The following ULK4 variants were observed in gnomAD, a reference collection of about 807,000 sequenced individuals.
The protein encoded by ULK4 is unc-51 like kinase 4.
ULK4 carries 133 observed loss-of-function variants against 160.6 expected under a neutral mutation model. The observed-to-expected ratio is 0.83, with a 90% CI of 0.72 to 0.96. The LOEUF (loss-of-function observed/expected upper bound fraction) is 0.96, where lower values mean the gene tolerates loss of function less well. ULK4 is among the 40% of genes least tolerant of loss of function. The pLI, the probability that ULK4 is intolerant of heterozygous loss-of-function variation, is 0.00. For synonymous variants in ULK4, 534 were observed against 539.8 expected, an observed-to-expected ratio of 0.99 and a Z score of 0.15; for missense variants, 1,580 against 1,499.5, an observed-to-expected ratio of 1.05 and a Z score of -0.89.
At chr3:41,685,700 T>C (rs554004558) in intron 27 of ULK4, among the ~76,000 whole-genome samples, 3 of 152,172 alleles carry the variant, frequency 2.0e-5, no homozygotes, top group Non-Finnish European at 4.4e-5. Flanking sequence ...CCAGACTGCA[T>C]ACCCTATCCT....
intron 35 of ULK4, among the ~76,000 whole-genome samples, chr3:41,376,046 T>C (rs531634031): frequency 6.6e-6 from 1 of 150,586 alleles, no homozygotes; most frequent in East Asian, 2.1e-4. Context: ...TCATCATCGC[T>C]GGTCATTAGA....
chr3:41,929,388 C>T (rs1173339326), intron 5 of ULK4, among the ~76,000 whole-genome samples: 4 of 152,068 alleles, frequency 2.6e-5, no homozygotes, highest in South Asian at 2.1e-4. Flanking sequence ...CAATATCATA[C>T]GGAATGGACA....
intron 31 of ULK4, among the ~76,000 whole-genome samples, chr3:41,580,474 A>G (rs967022339): frequency 6.6e-6 from 1 of 152,076 alleles, no homozygotes; most frequent in Admixed American, 6.5e-5. Flanking sequence ...GTGGTTCAAC[A>G]CAATGTAGGC....
At chr3:41,323,617 G>A (rs188663378) in intron 35 of ULK4, among the ~76,000 whole-genome samples, 92 of 152,054 alleles carry the variant, frequency 6.1e-4, no homozygotes, top group Middle Eastern at 3.4e-3. Flanking sequence ...AGCTGGCCAG[G>A]AGCTGATCCA....
At chr3:41,497,666 G>T (rs1247230515) in intron 32 of ULK4, among the ~76,000 whole-genome samples, 2 of 151,846 alleles carry the variant, frequency 1.3e-5, no homozygotes, top group African/African-American at 4.8e-5. Context: ...ATGATATAAG[G>T]GTCATCAAGA....
intron 14 of ULK4, 74 bp downstream of exon 14, chr3:41,898,358 A>G: frequency 2.2e-6 from 2 of 928,450 alleles, no homozygotes; most frequent in Non-Finnish European, 1.6e-6. Flanking sequence ...CATATATTCT[A>G]TTTGCAAATA....
chr3:41,566,936 G>C (rs961576750), intron 31 of ULK4, among the ~76,000 whole-genome samples: 3 of 152,184 alleles, frequency 2.0e-5, no homozygotes, highest in Admixed American at 6.5e-5. Context: ...GGTGCAAAAT[G>C]TAAGGTAGTA....
intron 35 of ULK4, among the ~76,000 whole-genome samples, chr3:41,303,151 T>C (rs887992537): frequency 6.6e-6 from 1 of 152,198 alleles, no homozygotes; most frequent in African/African-American, 2.4e-5. Flanking sequence ...ATAATAATTA[T>C]TTGCCTTTTA....
At chr3:41,945,524 C>G (rs1700087122) in intron 2 of ULK4, among the ~76,000 whole-genome samples, 2 of 152,142 alleles carry the variant, frequency 1.3e-5, no homozygotes, top group Admixed American at 1.3e-4. Flanking sequence ...CTGGGTCCTC[C>G]TTCTCCTTAC....
chr3:41,650,797 CA>C (rs369983666), intron 30 of ULK4, among the ~76,000 whole-genome samples: 1 of 152,206 alleles, frequency 6.6e-6, no homozygotes, highest in African/African-American at 2.4e-5. Flanking sequence ...GATCCTGTGA[CA>C]GCTATGTTCC....
Position 41,463,226 on chromosome 3 carries a change from A to G in ULK4, c.3254T>C (p.Leu1085Pro), listed in dbSNP as rs1289546139. 2 of 1,613,652 alleles carry G rather than the reference A, an allele frequency of 1.2e-6. No individual in the cohort carries two copies. ...QGLVSHICNL[L>P]TETATLCLDV... is the part of the protein sequence containing the mutation. Reference sequence around the variant, plus strand: ...CAAGCACAGTGTGGCAGTTTCAGTGAGCAGGTTACAGATGTGACTGACAAG... The same window carrying G: ...CAAGCACAGTGTGGCAGTTTCAGTGGGCAGGTTACAGATGTGACTGACAAG... Residue 1085 changes from leucine (L) to proline (P), a missense_variant, in exon 33 of 37, where the codon CTC becomes CCC. Leu to Pro is a moderately conservative substitution (Grantham distance 98). Coordinates refer to ENST00000301831, the MANE Select transcript of ULK4 (RefSeq NM_017886.4).
At chr3:41,251,400 C>T (rs2078740413) in intron 35 of ULK4, among the ~76,000 whole-genome samples, 1 of 152,194 alleles carries the variant, frequency 6.6e-6, no homozygotes, top group Non-Finnish European at 1.5e-5. Context: ...CTTTCTCTCC[C>T]TCTGGATGCA....
At chr3:41,752,749 A>T (rs1559527705) in intron 22 of ULK4, among the ~76,000 whole-genome samples, 1 of 152,216 alleles carries the variant, frequency 6.6e-6, no homozygotes, top group Non-Finnish European at 1.5e-5. Context: ...ATCAGCACTA[A>T]GAGAAAAACA....
intron 34 of ULK4, among the ~76,000 whole-genome samples, chr3:41,402,721 T>C (rs1421850925): frequency 6.6e-6 from 1 of 152,184 alleles, no homozygotes; most frequent in Non-Finnish European, 1.5e-5. Context: ...CTCTGCTCAT[T>C]CTCTTTATAC....
rs144687122 is a variant in ULK4, at chr3:41,580,227, G to C, written c.3121-14097C>G. On this transcript the variant is annotated intron_variant, in intron 31 of 36. Coordinates refer to ENST00000301831, the MANE Select transcript of ULK4 (RefSeq NM_017886.4). ...GTATTTATAGGGGTTGAGCACAGAG[G>C]GGGTGCTGGTCTTTAGGAGACGTCC... is the stretch of plus-strand genomic sequence containing the variant. Among the ~76,000 whole-genome samples the C allele has an allele frequency of 5.3e-5, 8 of 152,090 alleles. No homozygotes were observed. The South Asian group carries it at 8.3e-4, about 16-fold the overall frequency.
chr3:41,556,487 C>CTTTTTTTTTTTTTT, intron 32 of ULK4, among the ~76,000 whole-genome samples: 1 of 117,082 alleles, frequency 8.5e-6, no homozygotes, highest in Non-Finnish European at 1.6e-5. Context: ...CTCTACCAAA[C>CTTTTTTTTTTTTTT]TTTTTTTTTT....
intron 21 of ULK4, among the ~76,000 whole-genome samples, chr3:41,777,301 AT>A (rs2039661712): frequency 1.3e-5 from 1 of 76,548 alleles, no homozygotes. Flanking sequence ...TGTCTATTTG[AT>A]TCTTCTCTCT....
chr3:41,571,563 A>C (rs1179847885), intron 31 of ULK4, among the ~76,000 whole-genome samples: 1 of 152,202 alleles, frequency 6.6e-6, no homozygotes, highest in Non-Finnish European at 1.5e-5. Context: ...ACATGAGAGT[A>C]AACATGTGGG....
At chr3:41,910,283 T>C (rs1480442011) in intron 11 of ULK4, among the ~76,000 whole-genome samples, 1 of 152,174 alleles carries the variant, frequency 6.6e-6, no homozygotes, top group Non-Finnish European at 1.5e-5. Context: ...CAAACATTAT[T>C]CAAGCCTCAC....
Sources: allele counts gnomAD v4.1 joint callset (sites outside exome capture counted in the v4.1 genomes callset), GRCh38; gene constraint gnomAD v4.1.1; transcripts MANE v1.5; gene names NCBI Gene and HGNC (gene_info 2026-07-23, HGNC 2026-07-21).